YIPF7: variants seen among roughly 807,000 people sequenced by gnomAD.
YIPF7 encodes Yip1 domain family member 7.
A neutral mutation model predicts 27.2 loss-of-function variants in YIPF7; 35 were observed. That is an observed-to-expected ratio of 1.29 (90% CI 0.98 to 1.70). The LOEUF (loss-of-function observed/expected upper bound fraction) is 1.70, where lower values mean the gene tolerates loss of function less well. Ranked by LOEUF, YIPF7 falls within the 40% of genes most tolerant of loss-of-function variation. The pLI, the probability that YIPF7 is intolerant of heterozygous loss-of-function variation, is 0.00. For missense variants in YIPF7, 358 were observed against 303.7 expected (o/e 1.18, Z -1.33); for synonymous variants, 137 against 110.4 (o/e 1.24, Z -1.51).
intron 1 of YIPF7, among the ~76,000 whole-genome samples, chr4:44,660,791 A>T (rs981781907): frequency 6.6e-6 from 1 of 152,168 alleles, no homozygotes. Flanking sequence ...CCCCAAGGGG[A>T]CTATTAGTGG....
At chr4:44,652,923 A>G (rs758000536), upstream of YIPF7, among the ~76,000 whole-genome samples, 13 of 152,152 alleles carry the variant, frequency 8.5e-5, no homozygotes, top group Non-Finnish European at 1.5e-4. Context: ...TTGAAAGCTG[A>G]CTGAGTTCAG....
intron 2 of YIPF7, among the ~76,000 whole-genome samples, chr4:44,658,241 A>G (rs1055277979): frequency 2.0e-5 from 3 of 152,100 alleles, no homozygotes; most frequent in African/African-American, 7.2e-5. Flanking sequence ...TAATCTTATA[A>G]GAAGAGGCCA....
In YIPF7 at chr4:44,622,211, T is replaced by C. The variant is rs1712465911; in HGVS notation, c.*203A>G. 3.2e-6 allele frequency: 2 copies of C among 615,638 alleles called. No individual in the cohort carries two copies. Among genetic ancestry groups the C allele is most frequent in the Non-Finnish European group, 5.6e-6 (2 of 357,686 alleles). The allele number at this position is 615,638 out of a possible 1,614,324, so 38.1% of individuals were successfully genotyped here. On this transcript the variant is annotated 3_prime_UTR_variant, in exon 6 of 6. Coordinates refer to ENST00000415895, the MANE Select transcript of YIPF7 (RefSeq NM_182592.3). ...TTGATTTTAAGTATTTTGAAATGTT[T>C]TAATGCACCAAACTCAAAAGCAAAA...
chr4:44,658,568 T>G (rs1231648629), intron 2 of YIPF7, among the ~76,000 whole-genome samples: 1 of 152,156 alleles, frequency 6.6e-6, no homozygotes, highest in African/African-American at 2.4e-5. Flanking sequence ...GAATGAAGCT[T>G]TTCATGTATC....
At chr4:44,626,761 A>ATTTTT (rs1560322885) in intron 4 of YIPF7, among the ~76,000 whole-genome samples, 10 of 56,670 alleles carry the variant, frequency 1.8e-4, no homozygotes, top group Admixed American at 4.4e-4. Flanking sequence ...TCATTAGCAC[A>ATTTTT]TCTTTTTTTT....
At chr4:44,649,693 G>A (rs146487047) in intron 2 of YIPF7, among the ~76,000 whole-genome samples, 1 of 151,618 alleles carries the variant, frequency 6.6e-6, no homozygotes, top group Admixed American at 6.6e-5. Flanking sequence ...GCACAGAATC[G>A]CTTGAACCCA....
intron 2 of YIPF7, among the ~76,000 whole-genome samples, chr4:44,643,215 C>T (rs1713398560): frequency 6.6e-6 from 1 of 152,162 alleles, no homozygotes; most frequent in Non-Finnish European, 1.5e-5. Context: ...GTAAAAGTCA[C>T]TTTTTCTATG....
intron 2 of YIPF7, among the ~76,000 whole-genome samples, chr4:44,640,436 C>T (rs1907488): frequency 0.53 from 80,660 of 152,018 alleles, 22,347 homozygotes; most frequent in Non-Finnish European, 0.62. Context: ...CTCCCAGTCA[C>T]GAGTGCATGC....
upstream of YIPF7, among the ~76,000 whole-genome samples, chr4:44,655,179 C>T (rs1907490): frequency 0.51 from 77,539 of 151,522 alleles, 21,157 homozygotes; most frequent in Non-Finnish European, 0.62. Flanking sequence ...TAATGCATGG[C>T]TTGATGTATG....
chr4:44,650,628 T>C (rs1322939334), intron 1 of YIPF7, among the ~76,000 whole-genome samples: 1 of 152,208 alleles, frequency 6.6e-6, no homozygotes, highest in East Asian at 1.9e-4. Flanking sequence ...CTTGTTCTAC[T>C]TGGCAATTCT....
intron 2 of YIPF7, among the ~76,000 whole-genome samples, chr4:44,637,842 T>A (rs1457882004): frequency 6.6e-6 from 1 of 152,234 alleles, no homozygotes; most frequent in Non-Finnish European, 1.5e-5. Flanking sequence ...GAACATACAA[T>A]GTTTGGTTTT....
chr4:44,635,201 G>A (rs1243568972), intron 3 of YIPF7, among the ~76,000 whole-genome samples: 2 of 151,896 alleles, frequency 1.3e-5, no homozygotes, highest in Admixed American at 1.3e-4. Flanking sequence ...AATCCACTTG[G>A]GTTTTAGCGT....
chr4:44,629,677 C>T, intron 3 of YIPF7, 129 bp from the exon 4 acceptor site: 2 of 644,354 alleles, frequency 3.1e-6, no homozygotes, highest in Non-Finnish European at 4.7e-6. Context: ...TTCTATCATA[C>T]CTTCTAAAGT....
rs899175857 is a variant in YIPF7 at position 44,635,914 on chromosome 4, T to C, written c.280+8A>G. ...TGTACACACATTAATAACACTTCCT[T>C]AACTTATCTTCTAGCAAAGGAGGCT... On this transcript the variant is annotated splice_region_variant and intron_variant, in intron 3 of 5. Transcript: ENST00000415895. 7 of 1,613,184 alleles carry C rather than the reference T, an allele frequency of 4.3e-6. No individual in the cohort carries two copies. Among genetic ancestry groups the C allele is most frequent in the Non-Finnish European group, 5.9e-6 (7 of 1,179,638 alleles).
At chr4:44,624,530 T>C in intron 5 of YIPF7, 71 bp downstream of exon 5, 3 of 1,433,436 alleles carry the variant, frequency 2.1e-6, no homozygotes, top group Non-Finnish European at 1.8e-6. Context: ...AGGGCTCAAC[T>C]TTTTCATGGC....
At chr4:44,639,085 T>A (rs2109589199) in intron 2 of YIPF7, among the ~76,000 whole-genome samples, 1 of 152,360 alleles carries the variant, frequency 6.6e-6, no homozygotes, top group Admixed American at 6.5e-5. Context: ...CTGTTCTGGT[T>A]ACTATAGCCT....
chr4:44,643,096 C>T (rs1038064680), intron 2 of YIPF7, among the ~76,000 whole-genome samples: 16 of 152,142 alleles, frequency 1.1e-4, no homozygotes, highest in Non-Finnish European at 1.5e-4. Context: ...AAATTTGGAA[C>T]TTCCTAAAGA....
intron 2 of YIPF7, among the ~76,000 whole-genome samples, chr4:44,660,067 T>C (rs1369345963): frequency 8.1e-6 from 1 of 123,150 alleles, no homozygotes. Flanking sequence ...TGAGCGGAGA[T>C]TGCGCCACTG....
In YIPF7 at chr4:44,629,398, A is replaced by T. The variant is rs1435503672; in HGVS notation, c.426+5T>A. The T allele has an allele frequency of 6.3e-7, 1 of 1,585,774 alleles. No individual in the cohort carries two copies. The highest frequency in any genetic ancestry group is 1.8e-5 in the Admixed American group (1 of 55,390). On this transcript the variant is annotated splice_donor_5th_base_variant and intron_variant, in intron 4 of 5. Transcript: ENST00000415895. ...TAAAATCTGGTGCTTCCTGTGACAC[A>T]TTACCAGAAGCAAGGTGGCTCCCAG...
Sources: allele counts gnomAD v4.1 joint callset (sites outside exome capture counted in the v4.1 genomes callset), GRCh38; gene constraint gnomAD v4.1.1; transcripts MANE v1.5; gene names NCBI Gene and HGNC (gene_info 2026-07-23, HGNC 2026-07-21).